Variants in ASIC2 observed in about 807,000 individuals in gnomAD.
ASIC2 encodes the protein acid sensing ion channel subunit 2, also known as acid-sensing ion channel 2.
Under a neutral mutation model 57.3 loss-of-function variants are expected in ASIC2, and 25 were observed. The observed-to-expected ratio is 0.44, with a 90% confidence interval of 0.32 to 0.61. The LOEUF (loss-of-function observed/expected upper bound fraction) is 0.61. Among genes scored for constraint, ASIC2 ranks in the 20% least tolerant of loss-of-function variants. The pLI is 0.06. For missense variants in ASIC2, 641 were observed against 738.1 expected (o/e 0.87, Z 1.52); for synonymous variants, 319 against 307.5 (o/e 1.04, Z -0.39).
chr17:33,378,971 C>G (rs1272315649), intron 1 of ASIC2, among the ~76,000 whole-genome samples: 1 of 152,164 alleles, frequency 6.6e-6, no homozygotes, highest in Admixed American at 6.5e-5. Flanking sequence ...CAACTACTTT[C>G]CAGGGTTAGT....
intron 1 of ASIC2, among the ~76,000 whole-genome samples, chr17:33,662,839 C>T (rs930452199): frequency 2.0e-5 from 3 of 147,018 alleles, no homozygotes; most frequent in Non-Finnish European, 4.5e-5. Flanking sequence ...AAATGAGAAA[C>T]ATTTAAGTAA....
chr17:33,677,232 A>G (rs1191149829), intron 1 of ASIC2, among the ~76,000 whole-genome samples: 1 of 152,212 alleles, frequency 6.6e-6, no homozygotes, highest in Non-Finnish European at 1.5e-5. Context: ...TAGGACTTTC[A>G]TAGCTAGAGA....
chr17:33,845,290 G>A (rs1041458253), intron 1 of ASIC2, among the ~76,000 whole-genome samples: 2 of 152,080 alleles, frequency 1.3e-5, no homozygotes, highest in African/African-American at 2.4e-5. Context: ...TCATGGAAAC[G>A]TACCTCCAAA....
chr17:33,244,982 C>T (rs554326732), intron 1 of ASIC2, among the ~76,000 whole-genome samples: 1 of 152,282 alleles, frequency 6.6e-6, no homozygotes, highest in Admixed American at 6.5e-5. Flanking sequence ...ATCCACATAA[C>T]AAAAGCGTTA....
intron 1 of ASIC2, among the ~76,000 whole-genome samples, chr17:33,798,083 C>T (rs1911973182): frequency 6.6e-6 from 1 of 152,026 alleles, no homozygotes; most frequent in Non-Finnish European, 1.5e-5. Context: ...ATGCAGCTTT[C>T]ATCAGTGCCG....
chr17:33,821,743 G>A (rs913225300), intron 1 of ASIC2, among the ~76,000 whole-genome samples: 1 of 152,208 alleles, frequency 6.6e-6, no homozygotes, highest in African/African-American at 2.4e-5. Flanking sequence ...CAGGATTTTC[G>A]GTAACTGTTT....
intron 1 of ASIC2, among the ~76,000 whole-genome samples, chr17:33,593,522 C>T (rs1246084077): frequency 6.6e-6 from 1 of 152,192 alleles, no homozygotes; most frequent in Non-Finnish European, 1.5e-5. Context: ...CTAGAAAGCT[C>T]AGGTTGCAAT....
chr17:34,046,810 C>A (rs1363479623), intron 1 of ASIC2, among the ~76,000 whole-genome samples: 1 of 152,132 alleles, frequency 6.6e-6, no homozygotes, highest in Non-Finnish European at 1.5e-5. Flanking sequence ...AATACAAGCT[C>A]CAGTTTGTTC....
chr17:34,156,537 A>G lies in ASIC2; in HGVS notation c.-5T>C. On this transcript the variant is annotated 5_prime_UTR_variant, in exon 1 of 10. Transcript: ENST00000359872. The surrounding 1 kb of genome is among the most constrained non-coding windows in gnomAD (Gnocchi z 4.4). ...GGGGCTTTCCTTGAGGTCCATCGGG[A>G]CCCCGTGCAGTTCCGCAACTGGCTT... is the stretch of plus-strand genomic sequence containing the variant. 6.3e-7 allele frequency: 1 copy of G among 1,578,654 alleles called. No individual in the cohort carries two copies. Among genetic ancestry groups the G allele is most frequent in the Non-Finnish European group, 8.6e-7 (1 of 1,158,442 alleles).
At position 33,471,622 on chromosome 17, in the gene ASIC2, T is replaced by C. The variant is rs1039576; in HGVS notation, c.556-359555A>G. 2.6e-3 allele frequency among the ~76,000 whole-genome samples: 391 copies of C among 152,264 alleles called. 1 individual carries two copies. In the South Asian group the frequency reaches 0.027, roughly 11 times the overall value. Reference sequence around the variant, plus strand: ...GGGGGGAGTAATCATTTTTGGCTACTGGAAAGAAGGAATCTTTATGGAAGG... The same window carrying C: ...GGGGGGAGTAATCATTTTTGGCTACCGGAAAGAAGGAATCTTTATGGAAGG... On this transcript the variant is annotated intron_variant, in intron 1 of 9. Coordinates refer to the ASIC2 transcript ENST00000359872.
At chr17:33,238,611 G>A (rs1908384570) in intron 1 of ASIC2, among the ~76,000 whole-genome samples, 1 of 152,092 alleles carries the variant, frequency 6.6e-6, no homozygotes, top group South Asian at 2.1e-4. Context: ...TCTCTTCCCT[G>A]TTGTTGCTGA....
intron 1 of ASIC2, among the ~76,000 whole-genome samples, chr17:33,478,797 A>C (rs1188983051): frequency 6.6e-6 from 1 of 152,210 alleles, no homozygotes; most frequent in Non-Finnish European, 1.5e-5. Flanking sequence ...TTGTGGAGAG[A>C]GATCAGGATT....
chr17:33,125,959 G>A (rs779310364), intron 1 of ASIC2, among the ~76,000 whole-genome samples: 10 of 152,220 alleles, frequency 6.6e-5, no homozygotes, highest in Non-Finnish European at 1.2e-4. Context: ...TATTTCGGGG[G>A]TTGCACTTGC....
chr17:34,032,167 G>A (rs1318202271), intron 1 of ASIC2, among the ~76,000 whole-genome samples: 1 of 152,192 alleles, frequency 6.6e-6, no homozygotes, highest in Non-Finnish European at 1.5e-5. Flanking sequence ...TGATCTCTTG[G>A]CAGAAACTCT....
intron 1 of ASIC2, among the ~76,000 whole-genome samples, chr17:33,230,006 C>T (rs1400917962): frequency 6.6e-6 from 1 of 152,168 alleles, no homozygotes; most frequent in Non-Finnish European, 1.5e-5. Flanking sequence ...CCAGATGGGG[C>T]CTGTGAACTG....
chr17:34,125,659 C>T lies in ASIC2; in HGVS notation c.555+30319G>A, dbSNP rs1256462173. ...AGTGTATTTTAATAAATGAGTAAGA[C>T]GATCTGTAGGAATGATTCCTATCTT... On this transcript the variant is annotated intron_variant, in intron 1 of 9. Coordinates refer to the ASIC2 transcript ENST00000359872. Among the ~76,000 whole-genome samples, 5 of 152,156 alleles carry T rather than the reference C, an allele frequency of 3.3e-5. No homozygotes were observed. The East Asian group carries it at 5.8e-4, about 18-fold the overall frequency.
chr17:33,417,759 A>C (rs758499412), intron 1 of ASIC2, among the ~76,000 whole-genome samples: 1 of 152,078 alleles, frequency 6.6e-6, no homozygotes, highest in Non-Finnish European at 1.5e-5. Flanking sequence ...TTGCCACTTT[A>C]TGATCCAGGA....
intron 1 of ASIC2, chr17:34,072,285 A>G (rs530532925): frequency 6.6e-6 from 1 of 152,368 alleles, no homozygotes; most frequent in East Asian, 1.9e-4. Context: ...TGGCTCCCAG[A>G]TGGTCCCCAT....
intron 1 of ASIC2, among the ~76,000 whole-genome samples, chr17:34,111,294 T>A (rs1911264878): frequency 6.8e-6 from 1 of 148,098 alleles, no homozygotes; most frequent in Admixed American, 6.8e-5. Flanking sequence ...TATAATTATA[T>A]AATATAATGT....
Sources: allele counts gnomAD v4.1 joint callset (sites outside exome capture counted in the v4.1 genomes callset), GRCh38; gene constraint gnomAD v4.1.1; non-coding constraint Gnocchi (gnomAD v3.1); transcripts MANE v1.5; gene names NCBI Gene and HGNC (gene_info 2026-07-23, HGNC 2026-07-21).